LINS1: variants seen among roughly 807,000 people sequenced by gnomAD.
The protein encoded by LINS1 is protein Lines homolog 1.
A neutral mutation model predicts 41.6 loss-of-function variants in LINS1; 27 were observed. The ratio of observed to expected loss-of-function variants is 0.65; its 90% CI spans 0.48 to 0.89. The LOEUF (loss-of-function observed/expected upper bound fraction) is 0.89, where lower values mean the gene tolerates loss of function less well. Ranked by LOEUF, LINS1 falls within the 40% of genes least tolerant of loss-of-function variation. The probability of loss-of-function intolerance (pLI) is 0.00; values close to 1 mark genes in which losing one functional copy is unlikely to be tolerated. For missense variants in LINS1, 955 were observed against 884.1 expected (o/e 1.08, Z -1.02); for synonymous variants, 336 against 312.9 (o/e 1.07, Z -0.78).
At chr15:100,575,805 A>C (rs1280382923) in intron 3 of LINS1, among the ~76,000 whole-genome samples, 1 of 152,232 alleles carries the variant, frequency 6.6e-6, no homozygotes, top group East Asian at 1.9e-4. Context: ...GTAAAAGAAC[A>C]GAAATCACAA....
At chr15:100,578,204 C>T (rs937297079) in intron 3 of LINS1, among the ~76,000 whole-genome samples, 12 of 151,942 alleles carry the variant, frequency 7.9e-5, no homozygotes, top group Non-Finnish European at 1.2e-4. Flanking sequence ...AGCTTCTGCA[C>T]AGCAAAAGAA....
At chr15:100,594,915 C>T (rs576932702) in intron 1 of LINS1, among the ~76,000 whole-genome samples, 50 of 152,234 alleles carry the variant, frequency 3.3e-4, no homozygotes, top group African/African-American at 1.1e-3. Flanking sequence ...ATACCAAACC[C>T]GGCAAGCTCC....
chr15:100,597,016 T>C (rs534079117), intron 1 of LINS1: 1 of 152,224 alleles, frequency 6.6e-6, no homozygotes, highest in Non-Finnish European at 1.5e-5. Flanking sequence ...CCTTTCATCA[T>C]AGAATATTTG....
At chr15:100,585,135 C>T (rs1276684300) in intron 1 of LINS1, among the ~76,000 whole-genome samples, 1 of 152,196 alleles carries the variant, frequency 6.6e-6, no homozygotes, top group Non-Finnish European at 1.5e-5. Context: ...AAGCCATCGC[C>T]TCTGGAAGAA....
intron 1 of LINS1, among the ~76,000 whole-genome samples, chr15:100,601,711 G>A (rs370080045): frequency 2.6e-5 from 4 of 152,168 alleles, no homozygotes; most frequent in East Asian, 3.9e-4. Context: ...TAGAACAGTG[G>A]CCAGTAAACA....
At chr15:100,588,703 T>C (rs1040948824) in intron 1 of LINS1, among the ~76,000 whole-genome samples, 2 of 152,214 alleles carry the variant, frequency 1.3e-5, no homozygotes, top group East Asian at 1.9e-4. Context: ...AAATTAGCCA[T>C]GCCCTCTAGC....
chr15:100,570,350 A>G (rs750023079), intron 6 of LINS1: 71 of 439,300 alleles, frequency 1.6e-4, no homozygotes, highest in Non-Finnish European at 2.5e-4. Flanking sequence ...TGTCTGCCCA[A>G]TAAAAGTTAC....
intron 1 of LINS1, among the ~76,000 whole-genome samples, chr15:100,595,852 C>A (rs552702512): frequency 1.3e-5 from 2 of 152,204 alleles, no homozygotes; most frequent in East Asian, 1.9e-4. Context: ...TGACAACTGT[C>A]GCGGAAGTTG....
rs551771057 is a variant in LINS1, at chr15:100,580,212, A to T, written c.489+51T>A. ...TTGTCTCCACAAAACATTTAAATTT[A>T]AAAAAAATTAAGAAAGAGAAATAAT... On this transcript the variant is annotated intron_variant, in intron 3 of 6. Coordinates refer to ENST00000314742, the MANE Select transcript of LINS1 (RefSeq NM_001040616.3). The T allele has an allele frequency of 8.9e-4, 1,189 of 1,341,162 alleles. 3 individuals carry two copies. The highest frequency in any genetic ancestry group is 1.2e-3 in the South Asian group (96 of 79,642). The allele number at this position is 1,341,162 out of a possible 1,614,324, so 83.1% of individuals were successfully genotyped here.
At chr15:100,572,221 A>G in intron 5 of LINS1, 156 bp from the exon 6 acceptor site, 3 of 1,466,566 alleles carry the variant, frequency 2.0e-6, no homozygotes, top group Non-Finnish European at 1.8e-6. Context: ...AAGCATCTTT[A>G]TTTGGCAAAT....
At position 100,569,866 on chromosome 15, in the gene LINS1, T is replaced by A. The variant is rs139743163; in HGVS notation, c.1646A>T (p.Glu549Val). 7 of 1,613,924 alleles carry A rather than the reference T, an allele frequency of 4.3e-6. No individual in the cohort carries two copies. The African/African-American group carries it at 9.3e-5, about 22-fold the overall frequency. ...FTICNNFDAT[E>V]SKYDISICGC... is the part of the protein sequence containing the mutation. ...ACAAATACTTATGTCATATTTAGAT[T>A]CAGTTGCATCAAAGTTATTGCAAAT... The change falls in exon 7 of 7, where the codon GAA becomes GTA. Residue 549 changes from glutamate (E) to valine (V), a missense_variant. Transcript: ENST00000314742.
intron 1 of LINS1, among the ~76,000 whole-genome samples, chr15:100,585,993 T>C (rs1376057494): frequency 6.6e-6 from 1 of 152,248 alleles, no homozygotes; most frequent in Non-Finnish European, 1.5e-5. Flanking sequence ...TTGGTTTGCA[T>C]GCCTTGTTTT....
chr15:100,569,931 A>G lies in LINS1; in HGVS notation c.1581T>C (p.Tyr527=). Residue 527 remains tyrosine, a synonymous_variant, in exon 7 of 7, where the codon TAT becomes TAC. Coordinates refer to ENST00000314742, the MANE Select transcript of LINS1 (RefSeq NM_001040616.3). ...CCCAGTCCTTTTGCAGTAATTTTAA[A>G]TATCTAACAAAATATTCAAGAAAAC... The part of the protein sequence containing the change: ...ETCFLEYFVR[Y]LKLLQKDWDN... 6.3e-7 allele frequency: 1 copy of G among 1,596,854 alleles called. No individual in the cohort carries two copies. The highest frequency in any genetic ancestry group is 8.6e-7 in the Non-Finnish European group (1 of 1,169,492).
intron 3 of LINS1, among the ~76,000 whole-genome samples, chr15:100,578,355 G>C (rs1333953298): frequency 1.3e-5 from 2 of 152,128 alleles, no homozygotes; most frequent in African/African-American, 2.4e-5. Flanking sequence ...TCATCAAAAA[G>C]TGGGCAAAGG....
intron 3 of LINS1, among the ~76,000 whole-genome samples, chr15:100,576,293 A>G (rs982954956): frequency 6.6e-6 from 1 of 152,238 alleles, no homozygotes; most frequent in Non-Finnish European, 1.5e-5. Flanking sequence ...CTAATAAAGA[A>G]GAAAAGAGAG....
intron 3 of LINS1, 65 bp downstream of exon 3, chr15:100,580,198 A>G: frequency 7.8e-7 from 1 of 1,273,998 alleles, no homozygotes; most frequent in South Asian, 1.3e-5. Context: ...TGTCTCCACA[A>G]AACATTTAAA....
intron 6 of LINS1, among the ~76,000 whole-genome samples, chr15:100,571,410 C>T (rs1398160461): frequency 1.3e-5 from 2 of 152,206 alleles, no homozygotes; most frequent in Non-Finnish European, 2.9e-5. Context: ...TATAAATCAT[C>T]AGTAACATAA....
At chr15:100,593,310 A>G (rs1181535851) in intron 1 of LINS1, among the ~76,000 whole-genome samples, 1 of 152,170 alleles carries the variant, frequency 6.6e-6, no homozygotes, top group Non-Finnish European at 1.5e-5. Flanking sequence ...GAAATCCCAC[A>G]CCAAGTGGCC....
In LINS1 at chr15:100,575,069, C is replaced by A; in HGVS notation, c.549G>T (p.Glu183Asp). Residue 183 changes from glutamate to aspartate, a missense_variant, in exon 4 of 7, where the codon GAG (glutamate) becomes GAT (aspartate). Transcript: ENST00000314742. ...FCQKNLSEYS[E>D]SNKAIYCLWT... Reference sequence around the variant, plus strand: ...AGAGGCAGTATATTGCTTTATTACTCTCAGAGTATTCAGAAAGATTTTTCT... The same window carrying A: ...AGAGGCAGTATATTGCTTTATTACTATCAGAGTATTCAGAAAGATTTTTCT... 6.2e-6 allele frequency: 10 copies of A among 1,612,324 alleles called. No homozygotes were observed. Among genetic ancestry groups the A allele is most frequent in the South Asian group, 1.1e-5 (1 of 91,040 alleles).
Sources: allele counts gnomAD v4.1 joint callset (sites outside exome capture counted in the v4.1 genomes callset), GRCh38; gene constraint gnomAD v4.1.1; transcripts MANE v1.5; gene names NCBI Gene and HGNC (gene_info 2026-07-23, HGNC 2026-07-21).